HIRA: variants seen among roughly 807,000 people sequenced by gnomAD.
The protein encoded by HIRA is protein HIRA.
A neutral mutation model predicts 126.6 loss-of-function variants in HIRA; 13 were observed. The observed-to-expected ratio is 0.10, with a 90% CI of 0.07 to 0.16. The LOEUF is 0.16. Ranked by LOEUF, HIRA falls within the 10% of genes least tolerant of loss-of-function variation. The pLI is 1.00. For synonymous variants in HIRA, 511 were observed against 520.0 expected (o/e 0.98, Z 0.24); for missense variants, 834 against 1,314.4 (o/e 0.63, Z 5.65).
chr22:19,392,182 C>T lies in HIRA; in HGVS notation c.855G>A (p.Gln285=). ...KFNPKIFKKK[Q]KNGSSAKPSC... The stretch of plus-strand genomic sequence containing the variant: ...TAGGCTTCGCAGAACTCCCATTCTT[C>T]TGCTTCTTTTTGAAGATTTTTGGGT... Residue 285 remains glutamine, a synonymous_variant, in exon 9 of 25, where the codon CAG becomes CAA. Coordinates refer to ENST00000263208, the MANE Select transcript of HIRA (RefSeq NM_003325.4). 2 of 1,609,216 alleles carry T rather than the reference C, an allele frequency of 1.2e-6. No homozygotes were observed. Among genetic ancestry groups the T allele is most frequent in the Non-Finnish European group, 1.7e-6 (2 of 1,175,986 alleles).
Position 19,356,937 on chromosome 22 carries a change from T to C in HIRA, c.2349A>G (p.Thr783=). 2 of 1,613,980 alleles carry C rather than the reference T, an allele frequency of 1.2e-6. No homozygotes were observed. The highest frequency in any genetic ancestry group is 1.6e-4 in the Middle Eastern group (1 of 6,062). Residue 783 remains threonine (T), a synonymous_variant, in exon 19 of 25, where the codon ACA becomes ACG. Coordinates refer to ENST00000263208, the MANE Select transcript of HIRA (RefSeq NM_003325.4). ...CGGTGAGCGCCATGACGTAGGAGCC[T>C]GTGCAATGCAAAGTAGAGATCGGGG... is the stretch of plus-strand genomic sequence containing the variant. ...LPSPISTLHC[T]GSYVMALTAA...
At position 19,383,643 on chromosome 22, in the gene HIRA, G is replaced by A. The variant is rs20550; in HGVS notation, c.1392C>T (p.Leu464=). 1,597 of 1,614,006 alleles carry A rather than the reference G, an allele frequency of 9.9e-4. 20 individuals carry two copies. The African/African-American group carries it at 0.02, about 20-fold the overall frequency. ...TADGRRRITP[L]CIAQLDTGDF... is the part of the protein sequence containing the mutation. ...ACCCAGTGTCCAGCTGTGCTATGCA[G>A]AGAGGCGTGATTCTTCTCCGGCCAT... is the stretch of plus-strand genomic sequence containing the variant. The change falls in exon 13 of 25, where the codon CTC becomes CTT. Residue 464 remains leucine (L), a synonymous_variant. Coordinates refer to ENST00000263208, the MANE Select transcript of HIRA (RefSeq NM_003325.4).
At chr22:19,390,622 A>AAAAAAAAAAAAAAAAAAAAG (rs2089170996) in intron 9 of HIRA, among the ~76,000 whole-genome samples, 1 of 148,218 alleles carries the variant, frequency 6.7e-6, no homozygotes, top group Non-Finnish European at 1.5e-5. Context: ...AAAAAAAAAA[A>AAAAAAAAAAAAAAAAAAAAG]AAAAAGAAGC....
At chr22:19,412,243 A>G (rs748122155) in intron 1 of HIRA, among the ~76,000 whole-genome samples, 4 of 152,178 alleles carry the variant, frequency 2.6e-5, no homozygotes, top group South Asian at 2.1e-4. Context: ...CCACATGTAG[A>G]GCATCAAAGA....
chr22:19,339,524 C>A (rs1375387216), intron 24 of HIRA, among the ~76,000 whole-genome samples: 1 of 151,720 alleles, frequency 6.6e-6, no homozygotes, highest in Non-Finnish European at 1.5e-5. Flanking sequence ...GTAGTCCCAG[C>A]TACTTGGGAG....
At chr22:19,346,031 T>G (rs1556008771) in intron 24 of HIRA, among the ~76,000 whole-genome samples, 6 of 152,190 alleles carry the variant, frequency 3.9e-5, no homozygotes, top group Non-Finnish European at 8.8e-5. Flanking sequence ...AACAAGTATT[T>G]CAATAGATAG....
intron 2 of HIRA, 123 bp from the exon 3 acceptor site, chr22:19,408,716 C>G: frequency 1.7e-6 from 1 of 593,392 alleles, no homozygotes; most frequent in Non-Finnish European, 3.0e-6. Flanking sequence ...TTAACTAGAT[C>G]TAAGGAGACT....
At chr22:19,361,091 G>T (rs941375955) in intron 17 of HIRA, 146 bp downstream of exon 17, 2 of 659,936 alleles carry the variant, frequency 3.0e-6, no homozygotes, top group Admixed American at 5.0e-5. Flanking sequence ...TGGGTACCCC[G>T]ATCTGCTATG....
In HIRA at chr22:19,387,840, C is replaced by T. The variant is rs200307449; in HGVS notation, c.1008-24G>A. On this transcript the variant is annotated intron_variant, in intron 10 of 24. Transcript: ENST00000263208. The stretch of plus-strand genomic sequence containing the variant: ...TCCTGAAAGACATGGCCATCAGCAG[C>T]CTGGTAGCAAGAGCCCCAGGCAGAC... 359 of 1,574,264 alleles carry T rather than the reference C, an allele frequency of 2.3e-4. 2 individuals are homozygous for T. The African/African-American group carries it at 4.4e-3, about 19-fold the overall frequency.
At chr22:19,371,649 C>G (rs1467966934) in intron 15 of HIRA, among the ~76,000 whole-genome samples, 1 of 152,208 alleles carries the variant, frequency 6.6e-6, no homozygotes, top group Non-Finnish European at 1.5e-5. Flanking sequence ...CCCTCAGACC[C>G]TGGCAACCAC....
At chr22:19,405,971 GAACAAAGCAAA>G (rs2089305042) in intron 4 of HIRA, 91 bp from the exon 5 acceptor site, 1 of 765,982 alleles carries the variant, frequency 1.3e-6, no homozygotes, top group South Asian at 4.6e-5. Flanking sequence ...AGGGCACACA[GAACAAAGCAAA>G]AACAAACAAG....
intron 5 of HIRA, 39 bp downstream of exon 5, chr22:19,405,747 G>A (rs1470586540): frequency 3.0e-6 from 4 of 1,327,438 alleles, no homozygotes; most frequent in Non-Finnish European, 3.0e-6. Flanking sequence ...TGAGCCAGGT[G>A]TCAGGGGCCC....
chr22:19,414,653 T>C (rs2089381000), intron 1 of HIRA, among the ~76,000 whole-genome samples: 1 of 152,210 alleles, frequency 6.6e-6, no homozygotes, highest in Non-Finnish European at 1.5e-5. Flanking sequence ...TTAACCAATG[T>C]TGACAAATTT....
chr22:19,399,344 G>T (rs2089248557), intron 5 of HIRA, among the ~76,000 whole-genome samples: 1 of 148,842 alleles, frequency 6.7e-6, no homozygotes, highest in African/African-American at 2.5e-5. Context: ...TATAGTAACA[G>T]CTTAACAGGT....
chr22:19,394,719 C>T (rs1437529493), intron 7 of HIRA, among the ~76,000 whole-genome samples: 1 of 152,202 alleles, frequency 6.6e-6, no homozygotes, highest in Non-Finnish European at 1.5e-5. Flanking sequence ...CAGCATCCTA[C>T]ACTCCCCCAG....
intron 24 of HIRA, among the ~76,000 whole-genome samples, chr22:19,347,306 C>T (rs1354318302): frequency 6.6e-6 from 1 of 152,166 alleles, no homozygotes; most frequent in African/African-American, 2.4e-5. Context: ...GTAAAATGTC[C>T]TCAAGTAAAG....
rs113147635 is a variant in HIRA, at chr22:19,375,107, G to T, written c.1775+524C>A. On this transcript the variant is annotated intron_variant, in intron 15 of 24. Transcript: ENST00000263208. Reference sequence around the variant, plus strand: ...CTACAACCTGCGTGATGTCACAGCTGTGTTTGAGGGGAGACCCAGAGAATG... The same window carrying T: ...CTACAACCTGCGTGATGTCACAGCTTTGTTTGAGGGGAGACCCAGAGAATG... 3.1e-4 allele frequency among the ~76,000 whole-genome samples: 47 copies of T among 152,350 alleles called. No individual in the cohort carries two copies. The East Asian group carries it at 3.7e-3, about 12-fold the overall frequency.
chr22:19,339,630 C>T (rs1399498921), intron 24 of HIRA, among the ~76,000 whole-genome samples: 15 of 142,926 alleles, frequency 1.0e-4, no homozygotes, highest in South Asian at 2.2e-4. Context: ...AGCGAGACTC[C>T]GTCTCAAAAA....
chr22:19,370,469 C>G (rs1036517272), intron 15 of HIRA, among the ~76,000 whole-genome samples: 2 of 152,114 alleles, frequency 1.3e-5, no homozygotes, highest in African/African-American at 4.8e-5. Context: ...GTCTCAAACT[C>G]CCGGACTCAA....
Sources: allele counts gnomAD v4.1 joint callset (sites outside exome capture counted in the v4.1 genomes callset), GRCh38; gene constraint gnomAD v4.1.1; transcripts MANE v1.5; gene names NCBI Gene and HGNC (gene_info 2026-07-23, HGNC 2026-07-21).